Variants in KDM5D observed in about 807,000 individuals in gnomAD.
KDM5D encodes lysine-specific demethylase 5D.
A neutral mutation model predicts 31.9 loss-of-function variants in KDM5D; 25 were observed. That is an observed-to-expected ratio of 0.78 (90% CI 0.57 to 1.09). KDM5D has a LOEUF of 1.09. Among genes scored for constraint, KDM5D ranks in the 50% least tolerant of loss-of-function variants. The pLI, the probability that KDM5D is intolerant of heterozygous loss-of-function variation, is 0.00. For synonymous variants in KDM5D, 146 were observed against 122.3 expected, an observed-to-expected ratio of 1.19 and a Z score of -1.28; for missense variants, 366 against 341.6, an observed-to-expected ratio of 1.07 and a Z score of -0.56.
chrY:19,741,352 G>A lies in KDM5D; in HGVS notation c.488C>T (p.Pro163Leu). The change falls in exon 5 of 27, where the codon CCC becomes CTC. Residue 163 changes from proline (P) to leucine (L), a missense_variant. By Grantham distance (98) the Pro-to-Leu change is moderately conservative. Coordinates refer to ENST00000317961, the MANE Select transcript of KDM5D (RefSeq NM_004653.5). ...LRSHYERIIY[P>L]YEMFQSGANH... ...GGCTCCAGACTGAAACATTTCATAG[G>A]GGTAAATAATGCGTTCGTAATGTGA... is the stretch of plus-strand genomic sequence containing the variant. The A allele has an allele frequency of 2.5e-6, 1 of 398,121 alleles. No individual in the cohort carries two copies. Among genetic ancestry groups the A allele is most frequent in the Non-Finnish European group, 3.5e-6 (1 of 282,939 alleles).
At chrY:19,739,484 C>T (rs2045532431) in intron 6 of KDM5D, 44 bp downstream of exon 6, 2 of 373,265 alleles carry the variant, frequency 5.4e-6, no homozygotes, top group South Asian at 3.1e-5. Context: ...TCTAGATGAA[C>T]CTTCTCAGCT....
chrY:19,728,255 A>C (rs2045447904), intron 11 of KDM5D, among the ~76,000 whole-genome samples: 1 of 34,174 alleles, frequency 2.9e-5, no homozygotes, highest in South Asian at 6.5e-4. Context: ...ACAGATTTCT[A>C]ATGTACTGTG....
intron 11 of KDM5D, among the ~76,000 whole-genome samples, chrY:19,729,545 G>A (rs951170077): frequency 3.6e-4 from 12 of 33,781 alleles, no homozygotes; most frequent in African/African-American, 1.4e-3. Context: ...GAACGGGACT[G>A]AGGGGCAGTA....
chrY:19,736,468 CT>C (rs2032642), intron 6 of KDM5D, among the ~76,000 whole-genome samples: 158 of 31,395 alleles, frequency 5.0e-3, no homozygotes, highest in Middle Eastern at 0.031. Flanking sequence ...ATATTTTATG[CT>C]TTTTTTTTAT....
rs2045549207 is a variant in KDM5D, at chrY:19,741,350, A to G, written c.490T>C (p.Tyr164His). 2.5e-6 allele frequency: 1 copy of G among 396,027 alleles called. No homozygotes were observed. Among genetic ancestry groups the G allele is most frequent in the Non-Finnish European group, 3.5e-6 (1 of 282,475 alleles). Residue 164 changes from tyrosine (Y) to histidine (H), a missense_variant, in exon 5 of 27, where the codon TAT becomes CAT. By Grantham distance (83) the Tyr-to-His change is moderately conservative (BLOSUM62 2). Transcript: ENST00000317961. ...RSHYERIIYP[Y>H]EMFQSGANHV... The stretch of plus-strand genomic sequence containing the variant: ...TTGGCTCCAGACTGAAACATTTCAT[A>G]GGGGTAAATAATGCGTTCGTAATGT...
Position 19,731,919 on chromosome Y carries a change from T to C in KDM5D, c.1224A>G (p.Thr408=). 2.5e-6 allele frequency: 1 copy of C among 398,397 alleles called. No homozygotes were observed. The highest frequency in any genetic ancestry group is 3.0e-5 in the South Asian group (1 of 33,789). ...YFNMPVHMVP[T]ELVEKEFWRL... ...TCCAGAATTCCTTCTCTACAAGTTCTGTAGGCACCATCTGTGAAAACACAT... is the reference window on the plus strand; with the variant it reads ...TCCAGAATTCCTTCTCTACAAGTTCCGTAGGCACCATCTGTGAAAACACAT... Residue 408 remains threonine (T), a synonymous_variant, in exon 11 of 27, where the codon ACA becomes ACG. Coordinates refer to ENST00000317961, the MANE Select transcript of KDM5D (RefSeq NM_004653.5).
chrY:19,705,812 G>C lies in KDM5D; in HGVS notation c.*183C>G. The C allele has an allele frequency of 7.0e-6, 1 of 142,766 alleles. No individual in the cohort carries two copies. The highest frequency in any genetic ancestry group is 9.0e-5 in the African/African-American group (1 of 11,120). 35.6% of individuals were successfully genotyped at this position (142,766 alleles called of 400,897 possible). A position where few individuals can be genotyped will look rare whatever the true frequency, so the allele number is the denominator to read the frequency against. ...AATGTTGCTGGCAAGACACTTCTGA[G>C]CATCGGGGTGTGGACTTTACGAACC... is the stretch of plus-strand genomic sequence containing the variant. On this transcript the variant is annotated 3_prime_UTR_variant, in exon 27 of 27. Coordinates refer to ENST00000317961, the MANE Select transcript of KDM5D (RefSeq NM_004653.5).
At chrY:19,713,746 C>T in intron 18 of KDM5D, among the ~76,000 whole-genome samples, 1 of 33,276 alleles carries the variant, frequency 3.0e-5, no homozygotes, top group Non-Finnish European at 7.4e-5. Context: ...GTGGCAATTC[C>T]TCAAAGATCT....
chrY:19,734,165 C>T, intron 8 of KDM5D, among the ~76,000 whole-genome samples: 1 of 33,583 alleles, frequency 3.0e-5, no homozygotes, highest in Non-Finnish European at 7.4e-5. Context: ...TGAAAATATA[C>T]ATAGTCTCAG....
chrY:19,738,854 T>C (rs2045528173), intron 6 of KDM5D, among the ~76,000 whole-genome samples: 1 of 34,190 alleles, frequency 2.9e-5, no homozygotes, highest in Admixed American at 2.6e-4. Flanking sequence ...GCCAAAATTA[T>C]TCAAACTAGC....
Position 19,741,790 on chromosome Y carries a change from G to T in KDM5D, c.296C>A (p.Ser99Tyr). 2 of 386,619 alleles carry T rather than the reference G, an allele frequency of 5.2e-6. No homozygotes were observed. The highest frequency in any genetic ancestry group is 7.3e-6 in the Non-Finnish European group (2 of 272,680). ...CCGCTCCACATTGGGAATCTTTAAA[G>T]AGGAGCCTTGAATTTCCCAGAATTT... is the stretch of plus-strand genomic sequence containing the variant. The part of the protein sequence containing the change: ...IAKFWEIQGS[S>Y]LKIPNVERKI... The change falls in exon 4 of 27, where the codon TCT becomes TAT. Residue 99 changes from serine (S) to tyrosine (Y), a missense_variant. Ser to Tyr is a moderately radical substitution (Grantham distance 144). Transcript: ENST00000317961.
intron 18 of KDM5D, among the ~76,000 whole-genome samples, chrY:19,714,755 C>T: frequency 3.0e-5 from 1 of 33,461 alleles, no homozygotes; most frequent in African/African-American, 1.2e-4. Flanking sequence ...CGCCTAATGA[C>T]GCTTTTCTCC....
chrY:19,728,492 G>T (rs922648772), intron 11 of KDM5D, among the ~76,000 whole-genome samples: 6 of 32,329 alleles, frequency 1.9e-4, no homozygotes, highest in Non-Finnish European at 3.0e-4. Context: ...CCTAACAGCT[G>T]TGACTACAGG....
Position 19,708,235 on chromosome Y carries a change from A to T in KDM5D, c.3261+9T>A, listed in dbSNP as rs1302483134. 2.5e-6 allele frequency: 1 copy of T among 394,218 alleles called. No homozygotes were observed. Among genetic ancestry groups the T allele is most frequent in the Non-Finnish European group, 3.6e-6 (1 of 280,062 alleles). ...AGAAGAGGCTGTGGGTCAGGGTCTC[A>T]GACCTCACCTCAAGCAGTGTGTAGC... is the stretch of plus-strand genomic sequence containing the variant. On this transcript the variant is annotated intron_variant, in intron 22 of 26. Coordinates refer to ENST00000317961, the MANE Select transcript of KDM5D (RefSeq NM_004653.5).
chrY:19,722,663 G>GT (rs2045401860), intron 11 of KDM5D, among the ~76,000 whole-genome samples: 1 of 31,075 alleles, frequency 3.2e-5, no homozygotes, highest in East Asian at 8.2e-4. Flanking sequence ...TATCCAAAAC[G>GT]TAAGAAACTG....
chrY:19,731,965 A>C, intron 10 of KDM5D, 35 bp from the exon 11 acceptor site: 2 of 393,601 alleles, frequency 5.1e-6, no homozygotes, highest in Admixed American at 7.6e-5. Flanking sequence ...ATCATAGCCC[A>C]CTATACTTTG....
chrY:19,741,554 T>C (rs1031257321), intron 4 of KDM5D, 66 bp from the exon 5 acceptor site: 1 of 270,205 alleles, frequency 3.7e-6, no homozygotes, highest in Admixed American at 8.6e-5. Context: ...AACACAACAA[T>C]GAGACTTGAA....
chrY:19,706,311 C>T lies in KDM5D; in HGVS notation c.4304G>A (p.Arg1435Lys). 2.5e-6 allele frequency: 1 copy of T among 393,714 alleles called. No homozygotes were observed. Among genetic ancestry groups the T allele is most frequent in the Non-Finnish European group, 3.6e-6 (1 of 280,965 alleles). ...CCGTCGCCTCTCCAGAGCCCGGCTC[C>T]TTGTCCGACTCCCTTGATGTTCAAA... ...EKFEHQGSRT[R>K]SRALERRRRR... Residue 1435 changes from arginine (R) to lysine (K), a missense_variant, in exon 27 of 27, where the codon AGG becomes AAG. Transcript: ENST00000317961.
chrY:19,714,169 GGAGA>G (rs2045317748), intron 18 of KDM5D, among the ~76,000 whole-genome samples: 1 of 32,918 alleles, frequency 3.0e-5, no homozygotes, highest in South Asian at 7.0e-4. Flanking sequence ...GAAGGTGGGA[GGAGA>G]GAGAGGATCA....
Sources: allele counts gnomAD v4.1 joint callset (sites outside exome capture counted in the v4.1 genomes callset), GRCh38; gene constraint gnomAD v4.1.1; transcripts MANE v1.5; gene names NCBI Gene and HGNC (gene_info 2026-07-23, HGNC 2026-07-21).